The following FANK1 variants were observed in gnomAD, a reference collection of about 807,000 sequenced individuals.
FANK1 encodes the protein fibronectin type 3 and ankyrin repeat domains protein 1.
In FANK1, 44 loss-of-function variants were observed where a neutral mutation model predicts 45.3. The ratio of observed to expected loss-of-function variants is 0.97; its 90% CI spans 0.76 to 1.25. The LOEUF (loss-of-function observed/expected upper bound fraction) is 1.25. FANK1 is among the 50% of genes most tolerant of loss of function. The pLI, the probability that FANK1 is intolerant of heterozygous loss-of-function variation, is 0.00. For synonymous variants in FANK1, 149 were observed against 152.5 expected (o/e 0.98, Z 0.17); for missense variants, 391 against 424.4 (o/e 0.92, Z 0.69).
At chr10:125,915,461 A>G (rs547051070) in intron 1 of FANK1, among the ~76,000 whole-genome samples, 2 of 152,312 alleles carry the variant, frequency 1.3e-5, no homozygotes, top group South Asian at 4.1e-4. Context: ...AACAAGAATC[A>G]TTTGCGTTAT....
chr10:125,994,865 T>G (rs947186746), intron 3 of FANK1: 2 of 985,258 alleles, frequency 2.0e-6, no homozygotes, highest in African/African-American at 3.5e-5. Context: ...GTTGGCAAGC[T>G]CTCTCCCCTA....
chr10:125,989,731 T>C (rs1951799751), intron 3 of FANK1, among the ~76,000 whole-genome samples: 4 of 152,186 alleles, frequency 2.6e-5, no homozygotes, highest in Non-Finnish European at 5.9e-5. Flanking sequence ...TTGAGAACAT[T>C]TGCTGTAACA....
At chr10:125,947,622 G>C (rs1295244262) in intron 1 of FANK1, among the ~76,000 whole-genome samples, 1 of 151,384 alleles carries the variant, frequency 6.6e-6, no homozygotes, top group Non-Finnish European at 1.5e-5. Flanking sequence ...AGCAAGTCCT[G>C]AGTGACCTAC....
intron 1 of FANK1, among the ~76,000 whole-genome samples, chr10:125,922,406 T>G (rs916299497): frequency 2.7e-4 from 41 of 152,358 alleles, no homozygotes; most frequent in Non-Finnish European, 4.9e-4. Context: ...TTCAGAGTAC[T>G]TGGATCATTG....
intron 2 of FANK1, among the ~76,000 whole-genome samples, chr10:125,985,879 G>C (rs1195078700): frequency 6.6e-6 from 1 of 152,076 alleles, no homozygotes; most frequent in Non-Finnish European, 1.5e-5. Context: ...TCTCCTTTGT[G>C]GTCTGGATCT....
chr10:125,918,261 G>C (rs1314789259), intron 1 of FANK1, among the ~76,000 whole-genome samples: 1 of 151,668 alleles, frequency 6.6e-6, no homozygotes, highest in Non-Finnish European at 1.5e-5. Context: ...GTACATTTAA[G>C]ACTGGTTAAA....
chr10:125,962,827 T>C (rs1291216614), intron 1 of FANK1, among the ~76,000 whole-genome samples: 2 of 152,078 alleles, frequency 1.3e-5, no homozygotes, highest in African/African-American at 4.8e-5. Context: ...TTTGAAAAAT[T>C]TATTTTTATA....
At chr10:125,945,985 G>C (rs922264505) in intron 1 of FANK1, among the ~76,000 whole-genome samples, 278 of 152,234 alleles carry the variant, frequency 1.8e-3, no homozygotes, top group African/African-American at 5.1e-3. Context: ...GAGGCACCCC[G>C]CAGCAGGGGC....
chr10:125,918,509 C>T (rs191729102), intron 1 of FANK1, among the ~76,000 whole-genome samples: 56 of 133,038 alleles, frequency 4.2e-4, no homozygotes, highest in African/African-American at 1.5e-3. Context: ...GAGCTGAGAT[C>T]GCACCACTAC....
At chr10:125,995,650 C>A in intron 4 of FANK1, 152 bp downstream of exon 4, 4 of 652,718 alleles carry the variant, frequency 6.1e-6, no homozygotes, top group Admixed American at 4.9e-5. Flanking sequence ...AGTTAATAAA[C>A]CACAGTTAAT....
At chr10:125,931,325 T>C (rs1160404083) in intron 1 of FANK1, among the ~76,000 whole-genome samples, 3 of 152,230 alleles carry the variant, frequency 2.0e-5, no homozygotes, top group African/African-American at 7.2e-5. Flanking sequence ...TAGTTTACAT[T>C]TCCATCAGCA....
At chr10:125,903,976 C>T (rs112563607) in intron 1 of FANK1, among the ~76,000 whole-genome samples, 1 of 151,950 alleles carries the variant, frequency 6.6e-6, no homozygotes, top group African/African-American at 2.4e-5. Flanking sequence ...CAGCCTCCCG[C>T]GTAGCTGGGA....
Position 125,912,689 on chromosome 10 carries a change from G to A in FANK1, c.13+16034G>A, listed in dbSNP as rs559956111. 2.9e-4 allele frequency among the ~76,000 whole-genome samples: 44 copies of A among 152,244 alleles called. No homozygotes were observed. In the South Asian group the frequency reaches 8.7e-3, roughly 30 times the overall value. ...TGCTTGCTCTGTTGTCCGGGCTGGA[G>A]TGCAGTGGCCCAGTCTTGGCTCACT... On this transcript the variant is annotated intron_variant, in intron 1 of 10. Transcript: ENST00000368693.
intron 1 of FANK1, among the ~76,000 whole-genome samples, chr10:125,949,110 G>A (rs1371371038): frequency 2.0e-4 from 31 of 151,886 alleles, no homozygotes; most frequent in Non-Finnish European, 2.5e-4. Flanking sequence ...GTATTGATGG[G>A]ATGTATTTCA....
intron 8 of FANK1, 115 bp downstream of exon 8, chr10:126,008,665 G>C (rs1334741991): frequency 5.1e-6 from 5 of 975,450 alleles, no homozygotes; most frequent in Admixed American, 3.1e-5. Flanking sequence ...GGGTTTGACT[G>C]TGTGTGTGTG....
chr10:125,945,410 G>A (rs1321375094), intron 1 of FANK1, among the ~76,000 whole-genome samples: 4 of 152,230 alleles, frequency 2.6e-5, no homozygotes, highest in Non-Finnish European at 4.4e-5. Flanking sequence ...TGCGCAAGCC[G>A]AAGCAGGGCG....
intron 1 of FANK1, among the ~76,000 whole-genome samples, chr10:125,899,262 GT>G (rs1304023552): frequency 1.3e-5 from 2 of 152,220 alleles, no homozygotes; most frequent in African/African-American, 4.8e-5. Flanking sequence ...GTTTCTCCAT[GT>G]TGGTCCGGCT....
At chr10:125,970,556 C>T (rs918968919) in intron 1 of FANK1, among the ~76,000 whole-genome samples, 9 of 152,242 alleles carry the variant, frequency 5.9e-5, no homozygotes, top group Admixed American at 4.6e-4. Flanking sequence ...ACTCCGTCTG[C>T]AATCCCGGCG....
intron 1 of FANK1, among the ~76,000 whole-genome samples, chr10:125,978,108 A>G (rs1332768091): frequency 2.0e-5 from 3 of 152,176 alleles, no homozygotes; most frequent in African/African-American, 7.2e-5. Flanking sequence ...GGCCTGCTCC[A>G]GTCCCTAGTC....
Sources: gnomAD v4.1 joint callset for allele counts (sites outside exome capture counted in the v4.1 genomes callset) on GRCh38, gnomAD v4.1.1 for gene constraint, MANE v1.5 for transcripts, NCBI Gene and HGNC (gene_info 2026-07-23, HGNC 2026-07-21) for gene names.